ADAMTSL1: variants seen among roughly 807,000 people sequenced by gnomAD.
ADAMTSL1 encodes ADAMTS like 1, also known as ADAMTS-like protein 1.
Under a neutral mutation model 201.8 loss-of-function variants are expected in ADAMTSL1, and 126 were observed. That is an observed-to-expected ratio of 0.62 (90% CI 0.54 to 0.72). The LOEUF is 0.72. Ranked by LOEUF, ADAMTSL1 falls within the 30% of genes least tolerant of loss-of-function variation. The pLI, the probability that ADAMTSL1 is intolerant of heterozygous loss-of-function variation, is 0.00. For missense variants in ADAMTSL1, 2,679 were observed against 2,277.8 expected, an observed-to-expected ratio of 1.18 and a Z score of -3.59; for synonymous variants, 1,121 against 903.4, an observed-to-expected ratio of 1.24 and a Z score of -4.32.
intron 1 of ADAMTSL1, among the ~76,000 whole-genome samples, chr9:17,991,505 C>T (rs781008934): frequency 6.6e-6 from 1 of 152,090 alleles, no homozygotes; most frequent in Non-Finnish European, 1.5e-5. Context: ...CAGATATTCA[C>T]CTTTGCTCAG....
chr9:17,928,237 G>C (rs562180783), intron 1 of ADAMTSL1, among the ~76,000 whole-genome samples: 1 of 152,110 alleles, frequency 6.6e-6, no homozygotes, highest in East Asian at 1.9e-4. Flanking sequence ...TGCTTCAAGC[G>C]ATCTACCTGC....
chr9:18,180,363 C>G (rs966306832), intron 2 of ADAMTSL1, among the ~76,000 whole-genome samples: 1 of 151,910 alleles, frequency 6.6e-6, no homozygotes, highest in East Asian at 1.9e-4. Flanking sequence ...GAAACCCCGT[C>G]TCTACTAAAA....
chr9:17,959,105 A>G (rs1268094632), intron 1 of ADAMTSL1, among the ~76,000 whole-genome samples: 3 of 152,208 alleles, frequency 2.0e-5, no homozygotes, highest in African/African-American at 7.2e-5. Flanking sequence ...TTCTGTATGT[A>G]GTTTGAAATG....
chr9:18,870,668 C>CA (rs781180990), intron 23 of ADAMTSL1, among the ~76,000 whole-genome samples: 91 of 148,554 alleles, frequency 6.1e-4, no homozygotes, highest in East Asian at 2.1e-3. Context: ...CATTTTCAGG[C>CA]AAAAAAAAAC....
rs1824871122 is a variant in ADAMTSL1, at chr9:18,829,968, G to A, written c.4240G>A (p.Ala1414Thr). 2.5e-6 allele frequency: 4 copies of A among 1,610,390 alleles called. No individual in the cohort carries two copies. The highest frequency in any genetic ancestry group is 3.4e-6 in the Non-Finnish European group (4 of 1,178,406). Reference protein sequence around the residue: ...TQLVLDPGNSALLGCPIKGHP... With the variant: ...TQLVLDPGNSTLLGCPIKGHP... ...GCTGGTCCTGGATCCTGGGAATTCTGCTCTCCTTGGTGAGTCTAACCCTCG... is the reference window on the plus strand; with the variant it reads ...GCTGGTCCTGGATCCTGGGAATTCTACTCTCCTTGGTGAGTCTAACCCTCG... Residue 1414 changes from alanine (A) to threonine (T), a missense_variant, in exon 23 of 29, where the codon GCT (alanine) becomes ACT (threonine). Coordinates refer to ENST00000380548, the MANE Select transcript of ADAMTSL1 (RefSeq NM_001040272.6).
At chr9:18,218,813 G>A (rs1393894090) in intron 2 of ADAMTSL1, among the ~76,000 whole-genome samples, 1 of 151,780 alleles carries the variant, frequency 6.6e-6, no homozygotes, top group Non-Finnish European at 1.5e-5. Flanking sequence ...TTTAATTCTT[G>A]TGTAAAAACC....
intron 1 of ADAMTSL1, among the ~76,000 whole-genome samples, chr9:18,049,242 C>A (rs1381769803): frequency 6.6e-6 from 1 of 152,094 alleles, no homozygotes; most frequent in Non-Finnish European, 1.5e-5. Flanking sequence ...TCTGACATAC[C>A]TTGTTGGGAG....
chr9:17,955,853 C>T (rs1827909357), intron 1 of ADAMTSL1, among the ~76,000 whole-genome samples: 1 of 152,114 alleles, frequency 6.6e-6, no homozygotes, highest in Non-Finnish European at 1.5e-5. Flanking sequence ...TCCATGGATT[C>T]AGGTATCCCC....
chr9:18,141,445 C>CT (rs1358973284), intron 1 of ADAMTSL1, among the ~76,000 whole-genome samples: 47 of 152,224 alleles, frequency 3.1e-4, no homozygotes, highest in Non-Finnish European at 6.3e-4. Flanking sequence ...CACAGGGCCT[C>CT]GATTCAAGAT....
intron 11 of ADAMTSL1, chr9:18,681,485 C>A: frequency 6.1e-6 from 1 of 164,694 alleles, no homozygotes; most frequent in Non-Finnish European, 1.3e-5. Context: ...CAAAATTAAG[C>A]ACACTCTACA....
chr9:18,558,829 A>T (rs1184591028), intron 3 of ADAMTSL1, among the ~76,000 whole-genome samples: 1 of 152,052 alleles, frequency 6.6e-6, no homozygotes, highest in Non-Finnish European at 1.5e-5. Context: ...ATGTCTGTTC[A>T]TATCATTTGC....
At chr9:18,295,304 T>C (rs1424023277) in intron 2 of ADAMTSL1, among the ~76,000 whole-genome samples, 1 of 151,644 alleles carries the variant, frequency 6.6e-6, no homozygotes, top group Non-Finnish European at 1.5e-5. Flanking sequence ...GATATTAAAA[T>C]AGAATTCAAG....
chr9:18,567,397 T>C (rs576810484), intron 3 of ADAMTSL1, among the ~76,000 whole-genome samples: 2 of 152,050 alleles, frequency 1.3e-5, no homozygotes, highest in Non-Finnish European at 2.9e-5. Flanking sequence ...ACCCAGGCAG[T>C]AGAAGTTGCA....
intron 2 of ADAMTSL1, among the ~76,000 whole-genome samples, chr9:18,424,074 A>G (rs761874418): frequency 2.0e-5 from 3 of 152,280 alleles, no homozygotes; most frequent in Non-Finnish European, 2.9e-5. Flanking sequence ...AACCTCAAAG[A>G]AATCACTTTA....
chr9:17,928,672 G>T lies in ADAMTSL1; in HGVS notation c.87+21750G>T, dbSNP rs142296177. On this transcript the variant is annotated intron_variant, in intron 1 of 29. Transcript: ENST00000680146. ...CACCTGTAATCCCAGTACTTTGGGAGGCTGAGGAGGGAGGATTGCTTGAGG... is the reference window on the plus strand; with the variant it reads ...CACCTGTAATCCCAGTACTTTGGGATGCTGAGGAGGGAGGATTGCTTGAGG... Among the ~76,000 whole-genome samples, 4 of 152,262 alleles carry T rather than the reference G, an allele frequency of 2.6e-5. No homozygotes were observed. In the South Asian group the frequency reaches 8.3e-4, roughly 32 times the overall value.
At chr9:18,687,835 C>G (rs1830929184) in intron 13 of ADAMTSL1, among the ~76,000 whole-genome samples, 2 of 152,118 alleles carry the variant, frequency 1.3e-5, no homozygotes, top group African/African-American at 4.8e-5. Flanking sequence ...ACGTTATAGA[C>G]CAGAAGAATG....
intron 2 of ADAMTSL1, among the ~76,000 whole-genome samples, chr9:18,278,178 A>G (rs979297020): frequency 1.3e-5 from 2 of 152,166 alleles, no homozygotes; most frequent in Non-Finnish European, 2.9e-5. Context: ...ATAAGAATCA[A>G]AAGGTATTTA....
intron 1 of ADAMTSL1, among the ~76,000 whole-genome samples, chr9:18,008,880 T>C (rs1448611820): frequency 6.6e-6 from 1 of 151,990 alleles, no homozygotes; most frequent in African/African-American, 2.4e-5. Flanking sequence ...TGAACAAAAA[T>C]GAAGACTACC....
At chr9:18,001,803 A>T (rs1356747398) in intron 1 of ADAMTSL1, among the ~76,000 whole-genome samples, 1 of 152,030 alleles carries the variant, frequency 6.6e-6, no homozygotes, top group Non-Finnish European at 1.5e-5. Flanking sequence ...AGAGAGGGCC[A>T]GTAGGATGAG....
Sources: allele counts gnomAD v4.1 joint callset (sites outside exome capture counted in the v4.1 genomes callset), GRCh38; gene constraint gnomAD v4.1.1; transcripts MANE v1.5; gene names NCBI Gene and HGNC (gene_info 2026-07-23, HGNC 2026-07-21).